Variants in CDH12 observed in about 807,000 individuals in gnomAD.
CDH12 encodes the protein cadherin-12.
CDH12 carries 41 observed loss-of-function variants against 74.1 expected under a neutral mutation model. The ratio of observed to expected loss-of-function variants is 0.55; its 90% CI spans 0.43 to 0.72. The LOEUF is 0.72. Ranked by LOEUF, CDH12 falls within the 30% of genes least tolerant of loss-of-function variation. The pLI, the probability that CDH12 is intolerant of heterozygous loss-of-function variation, is 0.00. For synonymous variants in CDH12, 399 were observed against 355.0 expected (o/e 1.12, Z -1.39); for missense variants, 945 against 977.2 (o/e 0.97, Z 0.44).
intron 3 of CDH12, among the ~76,000 whole-genome samples, chr5:22,329,750 G>C (rs868124599): frequency 4.6e-5 from 7 of 152,192 alleles, no homozygotes; most frequent in African/African-American, 1.7e-4. Context: ...TATCACAACA[G>C]AATAAATCCA....
chr5:22,685,809 T>C (rs973284007), intron 1 of CDH12, among the ~76,000 whole-genome samples: 6 of 152,170 alleles, frequency 3.9e-5, no homozygotes, highest in African/African-American at 1.4e-4. Flanking sequence ...TGGTGGACAT[T>C]TGGGTTGTTT....
Position 22,338,551 on chromosome 5 carries a change from G to A in CDH12, c.-333+66706C>T, listed in dbSNP as rs549626926. Among the ~76,000 whole-genome samples, 6 of 152,052 alleles carry A rather than the reference G, an allele frequency of 3.9e-5. No individual in the cohort carries two copies. The East Asian group carries it at 1.2e-3, about 29-fold the overall frequency. On this transcript the variant is annotated intron_variant, in intron 3 of 14. Coordinates refer to ENST00000382254, the MANE Select transcript of CDH12 (RefSeq NM_004061.5). ...GACTATAGCCAATAATAATTTAATTGTACATTTAAAAATAACTAAAAGTTT... is the reference window on the plus strand; with the variant it reads ...GACTATAGCCAATAATAATTTAATTATACATTTAAAAATAACTAAAAGTTT...
At chr5:22,297,284 G>T (rs1004187932) in intron 3 of CDH12, among the ~76,000 whole-genome samples, 1 of 152,062 alleles carries the variant, frequency 6.6e-6, no homozygotes, top group Non-Finnish European at 1.5e-5. Context: ...GCCTCCCAAA[G>T]TGCTGGGATA....
intron 10 of CDH12, among the ~76,000 whole-genome samples, chr5:21,788,972 C>G: frequency 6.6e-6 from 1 of 151,646 alleles, no homozygotes; most frequent in East Asian, 1.9e-4. Flanking sequence ...TTCTCTACTC[C>G]TTTCTTTTAC....
At chr5:22,166,037 T>G (rs2150323632) in intron 4 of CDH12, among the ~76,000 whole-genome samples, 1 of 152,334 alleles carries the variant, frequency 6.6e-6, no homozygotes, top group East Asian at 1.9e-4. Flanking sequence ...TCCTTTACTT[T>G]CTTAGTAAAC....
chr5:21,781,227 C>T (rs1029020242), intron 11 of CDH12, among the ~76,000 whole-genome samples: 25 of 152,124 alleles, frequency 1.6e-4, no homozygotes, highest in Non-Finnish European at 5.9e-5. Flanking sequence ...AGAAACCGTG[C>T]TGTCAATTTA....
chr5:22,819,000 T>C (rs575276773), intron 1 of CDH12, among the ~76,000 whole-genome samples: 19 of 152,216 alleles, frequency 1.2e-4, no homozygotes, highest in African/African-American at 4.6e-4. Flanking sequence ...ATTTTTGTAG[T>C]ATGGTAGTTC....
chr5:22,528,276 AG>A (rs36040485), intron 1 of CDH12, among the ~76,000 whole-genome samples: 7 of 152,224 alleles, frequency 4.6e-5, no homozygotes, highest in Non-Finnish European at 7.4e-5. Context: ...CACTGTGAGT[AG>A]GGGGGGTTGC....
At chr5:21,902,380 C>G (rs1200747528) in intron 6 of CDH12, among the ~76,000 whole-genome samples, 2 of 151,886 alleles carry the variant, frequency 1.3e-5, no homozygotes, top group Non-Finnish European at 2.9e-5. Flanking sequence ...CAGATCTTTG[C>G]TACTCTAAGT....
At chr5:22,211,271 CTAGA>C (rs1328541621) in intron 4 of CDH12, among the ~76,000 whole-genome samples, 10 of 152,012 alleles carry the variant, frequency 6.6e-5, no homozygotes, top group Non-Finnish European at 1.2e-4. Context: ...ACAAAAGCAG[CTAGA>C]TATTTACATT....
At chr5:22,837,218 A>G (rs1669040610) in intron 1 of CDH12, among the ~76,000 whole-genome samples, 2 of 152,134 alleles carry the variant, frequency 1.3e-5, no homozygotes, top group Non-Finnish European at 2.9e-5. Flanking sequence ...CAGGAGTTCG[A>G]GACCAGACTG....
intron 5 of CDH12, among the ~76,000 whole-genome samples, chr5:21,983,752 T>C (rs1427785734): frequency 6.6e-6 from 1 of 152,170 alleles, no homozygotes; most frequent in Non-Finnish European, 1.5e-5. Context: ...ATATTATTTA[T>C]TGTCATATCT....
chr5:22,629,969 C>T (rs894374595), intron 1 of CDH12, among the ~76,000 whole-genome samples: 3 of 151,978 alleles, frequency 2.0e-5, no homozygotes, highest in African/African-American at 7.2e-5. Flanking sequence ...CAAAAATGTC[C>T]ATGCTGAGTG....
intron 2 of CDH12, among the ~76,000 whole-genome samples, chr5:22,420,465 C>G (rs575021477): frequency 3.3e-5 from 5 of 152,196 alleles, no homozygotes; most frequent in African/African-American, 9.6e-5. Flanking sequence ...TCAGATTTGT[C>G]AAAGACTGGA....
intron 3 of CDH12, among the ~76,000 whole-genome samples, chr5:22,215,602 G>T (rs1751776584): frequency 6.6e-6 from 1 of 151,898 alleles, no homozygotes; most frequent in African/African-American, 2.4e-5. Flanking sequence ...TTTAAAACAA[G>T]AAAATAGCTC....
At chr5:22,761,009 T>C (rs1203529336) in intron 1 of CDH12, among the ~76,000 whole-genome samples, 1 of 152,208 alleles carries the variant, frequency 6.6e-6, no homozygotes, top group Non-Finnish European at 1.5e-5. Flanking sequence ...TTGAGCAATA[T>C]GTTTTGCATT....
intron 1 of CDH12, among the ~76,000 whole-genome samples, chr5:22,634,711 T>C (rs1414457210): frequency 6.6e-6 from 1 of 152,076 alleles, no homozygotes; most frequent in Non-Finnish European, 1.5e-5. Flanking sequence ...ATACTAGCAA[T>C]GAATAATCTG....
chr5:22,596,889 T>C (rs1400996283), intron 1 of CDH12, among the ~76,000 whole-genome samples: 1 of 152,214 alleles, frequency 6.6e-6, no homozygotes, highest in Non-Finnish European at 1.5e-5. Flanking sequence ...AGTTATCTGC[T>C]TATTGCAAAA....
intron 11 of CDH12, chr5:21,779,559 T>C (rs1745793606): frequency 6.6e-6 from 1 of 152,222 alleles, no homozygotes; most frequent in Admixed American, 6.5e-5. Context: ...ATAAAATTAT[T>C]TGGACCTCCA....
Sources: gnomAD v4.1 joint callset for allele counts (sites outside exome capture counted in the v4.1 genomes callset) on GRCh38, gnomAD v4.1.1 for gene constraint, MANE v1.5 for transcripts, NCBI Gene and HGNC (gene_info 2026-07-23, HGNC 2026-07-21) for gene names.